ERLIN2: variants seen among roughly 807,000 people sequenced by gnomAD.
ERLIN2 encodes the protein erlin-2.
A neutral mutation model predicts 41.5 loss-of-function variants in ERLIN2; 22 were observed. That is an observed-to-expected ratio of 0.53 (90% CI 0.38 to 0.76). The LOEUF is 0.76. Ranked by LOEUF, ERLIN2 falls within the 30% of genes least tolerant of loss-of-function variation. The pLI is 0.00. For missense variants in ERLIN2, 247 were observed against 414.3 expected (o/e 0.60, Z 3.51); for synonymous variants, 149 against 150.9 (o/e 0.99, Z 0.09).
chr8:37,745,853 A>G, intron 6 of ERLIN2: 1 of 1,329,458 alleles, frequency 7.5e-7, no homozygotes, highest in East Asian at 2.9e-5. Context: ...TTTCTTTTTA[A>G]CCTCAAACTA....
At chr8:37,753,681 C>A in intron 11 of ERLIN2, 152 bp downstream of exon 11, 1 of 812,268 alleles carries the variant, frequency 1.2e-6, no homozygotes, top group Non-Finnish European at 2.1e-6. Flanking sequence ...TACTTTCCTT[C>A]TCCTTGGACA....
At position 37,741,867 on chromosome 8, in the gene ERLIN2, G is replaced by C; in HGVS notation, c.236+49G>C. 7.0e-7 allele frequency: 1 copy of C among 1,437,556 alleles called. No individual in the cohort carries two copies. The highest frequency in any genetic ancestry group is 9.8e-7 in the Non-Finnish European group (1 of 1,018,964). The allele number at this position is 1,437,556 out of a possible 1,614,324, so 89.1% of individuals were successfully genotyped here. ...TTAAGCCCAAATAAGTCAGAGAAAA[G>C]GCTGTCTGGCTGGTTGCAGGAAGAG... On this transcript the variant is annotated intron_variant, in intron 4 of 11. Coordinates refer to ENST00000519638, the MANE Select transcript of ERLIN2 (RefSeq NM_007175.8). This position sits in a 1 kb window ranked among gnomAD's most constrained non-coding sequence, Gnocchi z 4.8.
At chr8:37,744,721 C>T (rs759127228) in intron 6 of ERLIN2, 25 bp downstream of exon 6, 1 of 1,613,990 alleles carries the variant, frequency 6.2e-7, no homozygotes, top group Non-Finnish European at 8.5e-7. Context: ...CCTGAGCATG[C>T]CGTGCTTAAG....
At chr8:37,747,835 C>T (rs1467078718) in intron 6 of ERLIN2, 97 of 1,614,052 alleles carry the variant, frequency 6.0e-5, no homozygotes, top group Non-Finnish European at 5.4e-5. Context: ...ATCAATCACA[C>T]GGGACCGGTC....
intron 8 of ERLIN2, 57 bp downstream of exon 8, chr8:37,749,909 T>A: frequency 6.8e-7 from 1 of 1,466,658 alleles, no homozygotes; most frequent in Non-Finnish European, 9.6e-7. Flanking sequence ...TCCCACCTCG[T>A]CCCATCCCAG....
chr8:37,741,934 C>G lies in ERLIN2; in HGVS notation c.236+116C>G. ...CACCCTTTCTTGGTTAATTCCCTGT[C>G]TCGTAGCTCCCTATATTGATTTGAC... On this transcript the variant is annotated intron_variant, in intron 4 of 11. Coordinates refer to ENST00000519638, the MANE Select transcript of ERLIN2 (RefSeq NM_007175.8). This position sits in a 1 kb window ranked among gnomAD's most constrained non-coding sequence, Gnocchi z 4.8. 1 of 769,904 alleles carries G rather than the reference C, an allele frequency of 1.3e-6. No individual in the cohort carries two copies. Among genetic ancestry groups the G allele is most frequent in the Non-Finnish European group, 2.3e-6 (1 of 432,654 alleles). 47.7% of individuals were successfully genotyped at this position (769,904 alleles called of 1,614,324 possible).
chr8:37,737,764 T>C, intron 1 of ERLIN2, 144 bp from the exon 2 acceptor site: 1 of 864,080 alleles, frequency 1.2e-6, no homozygotes, highest in Non-Finnish European at 1.8e-6. Context: ...AGGAAGCGAG[T>C]TGTAGATCTA....
chr8:37,748,423 C>T (rs1025304854), intron 6 of ERLIN2, among the ~76,000 whole-genome samples: 4 of 152,172 alleles, frequency 2.6e-5, no homozygotes, highest in African/African-American at 7.2e-5. Context: ...TCCTTCGGTG[C>T]TCAGAGGCTT....
rs199969671 is a variant in ERLIN2, at chr8:37,755,092, C to A, written c.*977C>A. On this transcript the variant is annotated 3_prime_UTR_variant, in exon 12 of 12. Coordinates refer to ENST00000519638, the MANE Select transcript of ERLIN2 (RefSeq NM_007175.8). ...ACGATCAGTCAAGAGATGTCCTGGT[C>A]TTAATGCCTGTGGCTTGTGCTGGGA... The A allele has an allele frequency of 2.0e-5, 3 of 152,452 alleles. No individual in the cohort carries two copies. In the East Asian group the frequency reaches 5.8e-4, roughly 29 times the overall value. 9.4% of individuals were successfully genotyped at this position (152,452 alleles called of 1,614,324 possible).
intron 2 of ERLIN2, among the ~76,000 whole-genome samples, chr8:37,738,691 G>C (rs1258673432): frequency 1.3e-5 from 2 of 152,158 alleles, no homozygotes; most frequent in African/African-American, 4.8e-5. Flanking sequence ...ATTGAGACCA[G>C]CCTGAGCAAC....
intron 6 of ERLIN2, chr8:37,745,443 TG>T (rs1400031079): frequency 1.1e-6 from 1 of 928,192 alleles, no homozygotes; most frequent in Non-Finnish European, 1.7e-6. Context: ...AGGACACAGT[TG>T]GGTAACTGTT....
At chr8:37,747,361 GTCCC>G in intron 6 of ERLIN2, 13 of 1,358,136 alleles carry the variant, frequency 9.6e-6, no homozygotes, top group Non-Finnish European at 1.3e-5. Flanking sequence ...GTCAATCAAG[GTCCC>G]CTTCATTTTC....
chr8:37,737,006 C>T (rs1802668332), intron 1 of ERLIN2: 1 of 985,624 alleles, frequency 1.0e-6, no homozygotes, highest in Non-Finnish European at 1.2e-6. Context: ...GAGGCCGCCA[C>T]GGTAAAATAA....
At chr8:37,753,784 A>G in intron 11 of ERLIN2, 131 bp from the exon 12 acceptor site, 1 of 848,270 alleles carries the variant, frequency 1.2e-6, no homozygotes, top group Non-Finnish European at 1.9e-6. Context: ...ACTGTCTCTT[A>G]CAGAAATGTA....
intron 10 of ERLIN2, 101 bp downstream of exon 10, chr8:37,751,816 A>G (rs557340866): frequency 1.0e-5 from 9 of 871,516 alleles, no homozygotes; most frequent in African/African-American, 3.3e-5. Flanking sequence ...GTGCTCAAGG[A>G]TGTCATGATC....
intron 1 of ERLIN2, chr8:37,737,604 CA>C: frequency 2.5e-6 from 1 of 398,524 alleles, no homozygotes; most frequent in African/African-American, 2.0e-5. Flanking sequence ...CATTCGTGTT[CA>C]CAGGAAGACA....
At chr8:37,742,294 TCA>T (rs2129664360) in intron 4 of ERLIN2, among the ~76,000 whole-genome samples, 1 of 144,488 alleles carries the variant, frequency 6.9e-6, no homozygotes, top group South Asian at 2.2e-4. Flanking sequence ...TGAGCCAAGA[TCA>T]CACAATTGCA....
Position 37,744,048 on chromosome 8 carries a change from C to T in ERLIN2, c.237-307C>T, listed in dbSNP as rs149920042. 8.6e-3 allele frequency among the ~76,000 whole-genome samples: 1,312 copies of T among 152,262 alleles called. 18 individuals carry two copies. The highest frequency in any genetic ancestry group is 0.03 in the African/African-American group (1,258 of 41,524). On this transcript the variant is annotated intron_variant, in intron 4 of 11. Transcript: ENST00000519638. ...CACCTTGACCCTCCTTAGTCTTTTC[C>T]GTGCAACTGATTAATCAAAAGGCAT...
intron 3 of ERLIN2, 57 bp downstream of exon 3, chr8:37,740,503 T>C (rs1802812751): frequency 7.9e-7 from 1 of 1,261,034 alleles, no homozygotes; most frequent in Non-Finnish European, 1.2e-6. Context: ...TGTTAACTAG[T>C]GCATGATTTG....
Sources: gnomAD v4.1 joint callset for allele counts (sites outside exome capture counted in the v4.1 genomes callset) on GRCh38, gnomAD v4.1.1 for gene constraint, Gnocchi (gnomAD v3.1) non-coding constraint, MANE v1.5 for transcripts, NCBI Gene and HGNC (gene_info 2026-07-23, HGNC 2026-07-21) for gene names.